PIK3AP1: variants seen among roughly 807,000 people sequenced by gnomAD.
PIK3AP1 encodes phosphoinositide 3-kinase adapter protein 1.
In PIK3AP1, 21 loss-of-function variants were observed where a neutral mutation model predicts 88.1. The ratio of observed to expected loss-of-function variants is 0.24; its 90% CI spans 0.17 to 0.34. The LOEUF is 0.34. Among genes scored for constraint, PIK3AP1 ranks in the 10% least tolerant of loss-of-function variants. The pLI is 1.00. For missense variants in PIK3AP1, 828 were observed against 1,035.7 expected, an observed-to-expected ratio of 0.80 and a Z score of 2.75; for synonymous variants, 398 against 400.0, an observed-to-expected ratio of 1.00 and a Z score of 0.06.
intron 1 of PIK3AP1, among the ~76,000 whole-genome samples, chr10:96,717,276 A>AAAC (rs11428481): frequency 1.4e-5 from 2 of 147,994 alleles, no homozygotes; most frequent in African/African-American, 5.0e-5. Flanking sequence ...AAAAAAAAAA[A>AAAC]CTCACTGGAG....
At chr10:96,623,624 A>AC in intron 10 of PIK3AP1, 87 bp from the exon 11 acceptor site, 1 of 1,161,548 alleles carries the variant, frequency 8.6e-7, no homozygotes, top group South Asian at 1.3e-5. Flanking sequence ...ACCTAGGACC[A>AC]CCGTATGTGG....
At chr10:96,672,896 T>A (rs1475239620) in intron 2 of PIK3AP1, among the ~76,000 whole-genome samples, 1 of 152,210 alleles carries the variant, frequency 6.6e-6, no homozygotes, top group Non-Finnish European at 1.5e-5. Context: ...TTTGATTTGT[T>A]CTCCTTTGCT....
intron 2 of PIK3AP1, among the ~76,000 whole-genome samples, chr10:96,681,239 G>A (rs970416640): frequency 2.6e-5 from 4 of 152,126 alleles, no homozygotes; most frequent in African/African-American, 9.7e-5. Flanking sequence ...TATTGGATAA[G>A]GGCCCATCTA....
intron 7 of PIK3AP1, among the ~76,000 whole-genome samples, chr10:96,647,206 C>T (rs953741700): frequency 6.6e-6 from 1 of 152,176 alleles, no homozygotes; most frequent in Non-Finnish European, 1.5e-5. Context: ...CTTTAAACAT[C>T]CCAGTTAAAT....
At chr10:96,616,757 A>G in intron 12 of PIK3AP1, 46 bp from the exon 13 acceptor site, 2 of 1,543,624 alleles carry the variant, frequency 1.3e-6, no homozygotes, top group Non-Finnish European at 1.8e-6. Context: ...ACAGGATGAT[A>G]CCCTCTGGAC....
intron 16 of PIK3AP1, among the ~76,000 whole-genome samples, chr10:96,601,398 C>T (rs1441045470): frequency 2.9e-5 from 4 of 135,752 alleles, no homozygotes; most frequent in Admixed American, 8.7e-5. Flanking sequence ...CACTTGAACC[C>T]AGGAGGCGGA....
chr10:96,666,170 A>T (rs1207553093), intron 2 of PIK3AP1, among the ~76,000 whole-genome samples: 1 of 152,252 alleles, frequency 6.6e-6, no homozygotes, highest in Admixed American at 6.5e-5. Flanking sequence ...CTGTAATCCC[A>T]GCACTTTGGG....
chr10:96,622,811 G>T (rs555269807), intron 11 of PIK3AP1, among the ~76,000 whole-genome samples: 1 of 152,350 alleles, frequency 6.6e-6, no homozygotes, highest in South Asian at 2.1e-4. Flanking sequence ...AGAGCACTTA[G>T]CTCCTCAAAC....
intron 2 of PIK3AP1, 119 bp from the exon 3 acceptor site, chr10:96,657,053 T>C (rs989332130): frequency 9.4e-7 from 1 of 1,067,682 alleles, no homozygotes; most frequent in Non-Finnish European, 1.3e-6. Flanking sequence ...GTCAAACCAA[T>C]ACAAGCAGAA....
chr10:96,628,455 G>A lies in PIK3AP1; in HGVS notation c.1414C>T (p.Pro472Ser), dbSNP rs896155784. 9 of 1,613,472 alleles carry A rather than the reference G, an allele frequency of 5.6e-6. No individual in the cohort carries two copies. The highest frequency in any genetic ancestry group is 1.3e-5 in the African/African-American group (1 of 74,890). ...GTGGCCCGAGAGAAACCATCTCCAG[G>A]GATTGGGTTAGATGTACTGGCCTGA... is the stretch of plus-strand genomic sequence containing the variant. ...MLQASTSNPI[P>S]GDGFSRATKD... Residue 472 changes from proline (P) to serine (S), a missense_variant, in exon 9 of 17, where the codon CCT (proline) becomes TCT (serine). By Grantham distance (74) the Pro-to-Ser change is moderately conservative. Coordinates refer to ENST00000339364, the MANE Select transcript of PIK3AP1 (RefSeq NM_152309.3).
At chr10:96,623,451 T>G in intron 11 of PIK3AP1, 21 bp downstream of exon 11, 1 of 1,589,140 alleles carries the variant, frequency 6.3e-7, no homozygotes, top group Non-Finnish European at 8.6e-7. Context: ...AAAAGTTCAG[T>G]TCATATAACA....
intron 2 of PIK3AP1, among the ~76,000 whole-genome samples, chr10:96,680,584 T>C (rs1843985928): frequency 1.3e-5 from 2 of 152,338 alleles, no homozygotes; most frequent in East Asian, 3.9e-4. Flanking sequence ...CCTCTGTTAG[T>C]TTGCTAAGGA....
At chr10:96,635,063 A>G (rs961009355) in intron 8 of PIK3AP1, among the ~76,000 whole-genome samples, 1 of 152,166 alleles carries the variant, frequency 6.6e-6, no homozygotes, top group Non-Finnish European at 1.5e-5. Context: ...TTTTGATTAT[A>G]TTGGGCTCAC....
At chr10:96,653,953 G>A (rs1327614932) in intron 3 of PIK3AP1, among the ~76,000 whole-genome samples, 1 of 152,190 alleles carries the variant, frequency 6.6e-6, no homozygotes, top group Non-Finnish European at 1.5e-5. Flanking sequence ...CGGAGCCAAG[G>A]GAGCAGCAGC....
intron 2 of PIK3AP1, among the ~76,000 whole-genome samples, chr10:96,692,597 A>G (rs910772332): frequency 3.3e-5 from 5 of 151,676 alleles, no homozygotes; most frequent in African/African-American, 1.2e-4. Context: ...AGAAAGAAAG[A>G]AAAGAAAGAA....
At chr10:96,660,926 T>C (rs1334758550) in intron 2 of PIK3AP1, among the ~76,000 whole-genome samples, 1 of 152,196 alleles carries the variant, frequency 6.6e-6, no homozygotes, top group Non-Finnish European at 1.5e-5. Flanking sequence ...GGCTCACCCC[T>C]GTAATCCCAG....
chr10:96,691,873 G>T (rs946969449), intron 2 of PIK3AP1, among the ~76,000 whole-genome samples: 1 of 152,140 alleles, frequency 6.6e-6, no homozygotes, highest in African/African-American at 2.4e-5. Context: ...GCTCATTTAT[G>T]AAATCAGTCC....
rs59864199 is a variant in PIK3AP1 at position 96,658,364 on chromosome 10, G to A, written c.431-1430C>T. On this transcript the variant is annotated intron_variant, in intron 2 of 16. Coordinates refer to ENST00000339364, the MANE Select transcript of PIK3AP1 (RefSeq NM_152309.3). ...TGTCCTGGTAGAATGCTAGGGTTAC[G>A]AAACAGCTGCTGATAGGCACCCTGG... 8.7e-3 allele frequency among the ~76,000 whole-genome samples: 1,317 copies of A among 152,192 alleles called. 27 individuals carry two copies. The highest frequency in any genetic ancestry group is 0.028 in the African/African-American group (1,182 of 41,504).
rs570748661 is a variant in PIK3AP1 at position 96,625,894 on chromosome 10, G to A, written c.1669+814C>T. On this transcript the variant is annotated intron_variant, in intron 10 of 16. Coordinates refer to ENST00000339364, the MANE Select transcript of PIK3AP1 (RefSeq NM_152309.3). ...CTCCTGAGTAGCTGGGACTCAGTGC[G>A]GGCCATCACACCTGGATAATTTTTT... 2.6e-5 allele frequency among the ~76,000 whole-genome samples: 4 copies of A among 152,070 alleles called. No homozygotes were observed. The South Asian group carries it at 6.2e-4, about 24-fold the overall frequency.
Sources: allele counts gnomAD v4.1 joint callset (sites outside exome capture counted in the v4.1 genomes callset), GRCh38; gene constraint gnomAD v4.1.1; transcripts MANE v1.5; gene names NCBI Gene and HGNC (gene_info 2026-07-23, HGNC 2026-07-21).